Variants in CAMKMT observed in about 807,000 individuals in gnomAD.
CAMKMT encodes calmodulin-lysine N-methyltransferase.
CAMKMT carries 53 observed loss-of-function variants against 48.0 expected under a neutral mutation model. The ratio of observed to expected loss-of-function variants is 1.10; its 90% confidence interval spans 0.89 to 1.39. The LOEUF (loss-of-function observed/expected upper bound fraction) is 1.39. Ranked by LOEUF, CAMKMT falls within the 40% of genes most tolerant of loss-of-function variation. CAMKMT has a pLI of 0.00. For synonymous variants in CAMKMT, 165 were observed against 152.3 expected (o/e 1.08, Z -0.61); for missense variants, 428 against 402.7 (o/e 1.06, Z -0.54).
chr2:44,720,093 T>C (rs1573159471), intron 7 of CAMKMT, among the ~76,000 whole-genome samples: 1 of 152,180 alleles, frequency 6.6e-6, no homozygotes, highest in Non-Finnish European at 1.5e-5. Context: ...CTCATATCCC[T>C]ACTATTTAGT....
chr2:44,655,804 G>T (rs1409011024), intron 3 of CAMKMT, among the ~76,000 whole-genome samples: 1 of 152,176 alleles, frequency 6.6e-6, no homozygotes, highest in East Asian at 1.9e-4. Flanking sequence ...TGGTTTTCAT[G>T]ATAAAGTCTG....
Position 44,703,750 on chromosome 2 carries a change from C to A in CAMKMT, c.377-533C>A, listed in dbSNP as rs539958895. Among the ~76,000 whole-genome samples, 32 of 145,502 alleles carry A rather than the reference C, an allele frequency of 2.2e-4. 1 individual carries two copies. In the South Asian group the frequency reaches 7.0e-3, roughly 32 times the overall value. On this transcript the variant is annotated intron_variant, in intron 3 of 10. Coordinates refer to ENST00000378494, the MANE Select transcript of CAMKMT (RefSeq NM_024766.5). ...CTGAGATCTCGCCACTGCACTCCAG[C>A]CTGGCGACAGAGCAAGACTCTAAAA...
At chr2:44,673,197 G>C (rs1359130453) in intron 3 of CAMKMT, among the ~76,000 whole-genome samples, 1 of 152,002 alleles carries the variant, frequency 6.6e-6, no homozygotes, top group Non-Finnish European at 1.5e-5. Context: ...AGGCTGAGAT[G>C]GGAGGATTGC....
intron 2 of CAMKMT, among the ~76,000 whole-genome samples, chr2:44,382,162 G>C (rs1419517378): frequency 6.6e-6 from 1 of 151,946 alleles, no homozygotes; most frequent in Non-Finnish European, 1.5e-5. Context: ...GGCTGATCTT[G>C]AACTCCTGAC....
At chr2:44,705,673 T>C (rs1429785450) in intron 4 of CAMKMT, 1 of 269,264 alleles carries the variant, frequency 3.7e-6, no homozygotes, top group East Asian at 1.8e-4. Context: ...GCATTGTTTA[T>C]TCACTGTGTT....
At chr2:44,733,426 G>A (rs1042900659) in intron 7 of CAMKMT, among the ~76,000 whole-genome samples, 1 of 152,066 alleles carries the variant, frequency 6.6e-6, no homozygotes, top group Non-Finnish European at 1.5e-5. Context: ...AGTTCTAGAA[G>A]CTTATTTTTG....
At chr2:44,500,744 C>T (rs1183537496) in intron 3 of CAMKMT, among the ~76,000 whole-genome samples, 2 of 150,406 alleles carry the variant, frequency 1.3e-5, no homozygotes, top group Non-Finnish European at 3.0e-5. Context: ...TGCAGTGGCA[C>T]AATCTCAGCT....
At chr2:44,606,479 G>T (rs1199306943) in intron 3 of CAMKMT, among the ~76,000 whole-genome samples, 2 of 152,126 alleles carry the variant, frequency 1.3e-5, no homozygotes, top group Non-Finnish European at 2.9e-5. Flanking sequence ...TCCACAGACT[G>T]GTACTAGCCT....
At chr2:44,479,725 A>G (rs1014436958) in intron 3 of CAMKMT, among the ~76,000 whole-genome samples, 1 of 152,212 alleles carries the variant, frequency 6.6e-6, no homozygotes, top group Non-Finnish European at 1.5e-5. Flanking sequence ...TTATACTGTA[A>G]GGGCTCTTCT....
intron 3 of CAMKMT, among the ~76,000 whole-genome samples, chr2:44,506,839 A>G (rs1231802985): frequency 2.6e-5 from 4 of 152,160 alleles, no homozygotes; most frequent in Non-Finnish European, 5.9e-5. Flanking sequence ...GTTAGCTAAT[A>G]TTACTTTAAA....
intron 9 of CAMKMT, among the ~76,000 whole-genome samples, chr2:44,760,934 T>C (rs1374440888): frequency 1.3e-5 from 2 of 152,170 alleles, no homozygotes; most frequent in African/African-American, 4.8e-5. Flanking sequence ...CAAACATTTA[T>C]TGAGTGCCTC....
intron 3 of CAMKMT, among the ~76,000 whole-genome samples, chr2:44,452,015 G>A (rs991425123): frequency 1.3e-5 from 2 of 151,792 alleles, no homozygotes; most frequent in African/African-American, 4.8e-5. Flanking sequence ...CATTTAGTGA[G>A]TTAGAAAATA....
At chr2:44,584,409 C>T (rs567582988) in intron 3 of CAMKMT, among the ~76,000 whole-genome samples, 1 of 152,144 alleles carries the variant, frequency 6.6e-6, no homozygotes, top group African/African-American at 2.4e-5. Flanking sequence ...TTGGCCCACA[C>T]TGAAGTAATT....
At chr2:44,617,922 A>G (rs1221403556) in intron 3 of CAMKMT, among the ~76,000 whole-genome samples, 1 of 152,242 alleles carries the variant, frequency 6.6e-6, no homozygotes, top group Non-Finnish European at 1.5e-5. Flanking sequence ...AATGAAAAAA[A>G]TAGGATATAG....
At chr2:44,362,411 T>C (rs1183397065) in intron 1 of CAMKMT, among the ~76,000 whole-genome samples, 2 of 152,028 alleles carry the variant, frequency 1.3e-5, no homozygotes, top group African/African-American at 4.8e-5. Flanking sequence ...TTCTAGACAT[T>C]TTTGTGCGTC....
intron 3 of CAMKMT, among the ~76,000 whole-genome samples, chr2:44,580,561 CTT>C (rs1160431748): frequency 7.2e-5 from 11 of 152,144 alleles, no homozygotes; most frequent in Non-Finnish European, 4.4e-5. Flanking sequence ...TAAATTGTCA[CTT>C]ATTATTGTTC....
chr2:44,518,122 G>C (rs1670924151), intron 3 of CAMKMT, among the ~76,000 whole-genome samples: 1 of 152,102 alleles, frequency 6.6e-6, no homozygotes, highest in African/African-American at 2.4e-5. Context: ...TTTTGGAGGA[G>C]AGATAATGTA....
intron 3 of CAMKMT, among the ~76,000 whole-genome samples, chr2:44,511,905 A>AC (rs1004014878): frequency 6.6e-6 from 1 of 151,770 alleles, no homozygotes; most frequent in Non-Finnish European, 1.5e-5. Context: ...TACTCTGCCC[A>AC]CCCCCCATCT....
intron 3 of CAMKMT, among the ~76,000 whole-genome samples, chr2:44,536,342 T>A (rs1666771771): frequency 6.6e-6 from 1 of 151,642 alleles, no homozygotes; most frequent in Non-Finnish European, 1.5e-5. Context: ...TTTTTTTTTT[T>A]AAGGTGGAGT....
Sources: allele counts gnomAD v4.1 joint callset (sites outside exome capture counted in the v4.1 genomes callset), GRCh38; gene constraint gnomAD v4.1.1; transcripts MANE v1.5; gene names NCBI Gene and HGNC (gene_info 2026-07-23, HGNC 2026-07-21).